The following SPRYD3 variants were observed in gnomAD, a reference collection of about 807,000 sequenced individuals.
The protein encoded by SPRYD3 is SPRY domain containing 3.
In SPRYD3, 17 loss-of-function variants were observed where a neutral mutation model predicts 50.1. The observed-to-expected ratio is 0.34, with a 90% CI of 0.23 to 0.51. The LOEUF (loss-of-function observed/expected upper bound fraction) is 0.51, where lower values mean the gene tolerates loss of function less well. Ranked by LOEUF, SPRYD3 falls within the 20% of genes least tolerant of loss-of-function variation. The pLI is 0.97. For synonymous variants in SPRYD3, 198 were observed against 215.5 expected, an observed-to-expected ratio of 0.92 and a Z score of 0.71; for missense variants, 401 against 591.2, an observed-to-expected ratio of 0.68 and a Z score of 3.34.
rs576245356 is a variant in SPRYD3 at position 53,077,129 on chromosome 12, A to G, written c.156T>C (p.Asp52=). Residue 52 remains aspartate (D), a synonymous_variant, in exon 2 of 11, where the codon GAT becomes GAC. Transcript: ENST00000301463. ...CCTGAACTCACCTTAAAGTATCTCC[A>G]TCTACAAGGATATGTTTGAACCTCT... ...YQERFKHILV[D]GDTLSYHGNS... The G allele has an allele frequency of 1.2e-6, 2 of 1,614,118 alleles. No homozygotes were observed. The highest frequency in any genetic ancestry group is 1.3e-5 in the African/African-American group (1 of 75,032).
chr12:53,076,634 G>A (rs1944590184), intron 2 of SPRYD3, among the ~76,000 whole-genome samples: 1 of 152,200 alleles, frequency 6.6e-6, no homozygotes, highest in African/African-American at 2.4e-5. Flanking sequence ...CTTGCTGGAT[G>A]AGGACAGAGC....
At chr12:53,069,513 G>A (rs985046074) in intron 6 of SPRYD3, among the ~76,000 whole-genome samples, 1 of 152,206 alleles carries the variant, frequency 6.6e-6, no homozygotes, top group African/African-American at 2.4e-5. Context: ...TGCTTAGAGC[G>A]GGGTGCTACT....
At chr12:53,069,667 A>AC (rs1944535445) in intron 6 of SPRYD3, among the ~76,000 whole-genome samples, 1 of 152,184 alleles carries the variant, frequency 6.6e-6, no homozygotes, top group South Asian at 2.1e-4. Flanking sequence ...ACGGGAGACC[A>AC]CCTAAGCCCA....
chr12:53,066,154 G>C (rs1249344768), intron 10 of SPRYD3, among the ~76,000 whole-genome samples, 160 bp downstream of exon 10: 1 of 152,106 alleles, frequency 6.6e-6, no homozygotes, highest in Admixed American at 6.5e-5. Context: ...TCCCAAGACC[G>C]TCTCCCGATC....
intron 6 of SPRYD3, 30 bp downstream of exon 6, chr12:53,073,256 G>GGCCCCGGGGGGGGGGGCC: frequency 2.1e-5 from 9 of 424,130 alleles, no homozygotes; most frequent in Admixed American, 4.2e-5. Flanking sequence ...CTCCGACCCA[G>GGCCCCGGGGGGGGGGGCC]CCCCTCCCAC....
chr12:53,065,710 G>T lies in SPRYD3; in HGVS notation c.*122C>A. ...GTGACAGGGGCCTGAGCCAGTGGGG[G>T]CAGAGTGACTACACACCTCCAGGGG... On this transcript the variant is annotated 3_prime_UTR_variant, in exon 11 of 11. Coordinates refer to ENST00000301463, the MANE Select transcript of SPRYD3 (RefSeq NM_032840.3). 9.8e-7 allele frequency: 1 copy of T among 1,023,114 alleles called. No individual in the cohort carries two copies. The highest frequency in any genetic ancestry group is 1.5e-6 in the Non-Finnish European group (1 of 684,704). The allele number at this position is 1,023,114 out of a possible 1,614,324, so 63.4% of individuals were successfully genotyped here.
At chr12:53,075,349 A>G (rs1944580936) in intron 3 of SPRYD3, 130 bp from the exon 4 acceptor site, 1 of 966,720 alleles carries the variant, frequency 1.0e-6, no homozygotes, top group East Asian at 2.5e-5. Context: ...GGAATCAGGA[A>G]AAAAGATAAG....
chr12:53,073,226 C>T, intron 6 of SPRYD3, 60 bp downstream of exon 6: 1 of 1,114,492 alleles, frequency 9.0e-7, no homozygotes, highest in East Asian at 2.6e-5. Context: ...CATGTGCCCA[C>T]AGGTGTTCTG....
chr12:53,069,031 G>T (rs1019561672), intron 6 of SPRYD3, among the ~76,000 whole-genome samples: 2 of 152,122 alleles, frequency 1.3e-5, no homozygotes, highest in Non-Finnish European at 2.9e-5. Context: ...ATTCAAGTTG[G>T]AGTAGGGGCG....
In SPRYD3 at chr12:53,079,337, TA is replaced by T. The variant is rs1309670292; in HGVS notation, c.-5del. ...GGGGCCGCCGCGTCCTCCTCATCCA[TA>T]GGCCTCTCAGCTCCGCACACAAGCT... On this transcript the variant is annotated 5_prime_UTR_variant, in exon 1 of 11. Coordinates refer to ENST00000301463, the MANE Select transcript of SPRYD3 (RefSeq NM_032840.3). The T allele has an allele frequency of 1.9e-6, 3 of 1,607,988 alleles. No homozygotes were observed. The highest frequency in any genetic ancestry group is 2.5e-6 in the Non-Finnish European group (3 of 1,177,634).
rs775035318 is a variant in SPRYD3, at chr12:53,077,182, G to A, written c.103C>T (p.Arg35Ter). Residue 35 changes from arginine (R) to a stop codon, truncating the protein, a stop_gained, in exon 2 of 11, where the codon CGA (arginine) becomes TGA (stop). Coordinates refer to ENST00000301463, the MANE Select transcript of SPRYD3 (RefSeq NM_032840.3). LOFTEE classifies it high-confidence loss of function. ...TGATATCGGAAAGCTCGGACCTCTCGAATCTCCCGGATCCGCCGGCGCCAA... is the reference window on the plus strand; with the variant it reads ...TGATATCGGAAAGCTCGGACCTCTCAAATCTCCCGGATCCGCCGGCGCCAA... Reference protein sequence around the residue: ...LNWRRRIREIREVRAFRYQER... With the variant: ...LNWRRRIREI The A allele has an allele frequency of 2.5e-6, 4 of 1,614,138 alleles. No homozygotes were observed. The highest frequency in any genetic ancestry group is 1.6e-4 in the Middle Eastern group (1 of 6,062).
intron 1 of SPRYD3, among the ~76,000 whole-genome samples, chr12:53,078,906 C>T (rs1944610750): frequency 6.6e-6 from 1 of 152,192 alleles, no homozygotes; most frequent in Admixed American, 6.5e-5. Context: ...TAGCTACAAC[C>T]CACCACGTGG....
intron 6 of SPRYD3, 118 bp from the exon 7 acceptor site, chr12:53,068,422 G>A: frequency 8.2e-7 from 1 of 1,226,526 alleles, no homozygotes; most frequent in East Asian, 2.3e-5. Flanking sequence ...CTGGCTGAAA[G>A]GGAAAGAATC....
At position 53,066,720 on chromosome 12, in the gene SPRYD3, A is replaced by C. The variant is rs200618278; in HGVS notation, c.902-28T>G. ...GTTGGAGGGAGGGGAAAGGACAAAC[A>C]CTTGAGGAAGGAGGGCTGACACCAC... is the stretch of plus-strand genomic sequence containing the variant. On this transcript the variant is annotated intron_variant, in intron 8 of 10. Transcript: ENST00000301463. The C allele has an allele frequency of 1.1e-4, 167 of 1,581,128 alleles. No homozygotes were observed. The African/African-American group carries it at 1.9e-3, about 18-fold the overall frequency.
chr12:53,078,249 G>A lies in SPRYD3; in HGVS notation c.24-988C>T, dbSNP rs570878632. The A allele has an allele frequency of 2.7e-4, 87 of 318,376 alleles. No individual in the cohort carries two copies. The Middle Eastern group carries it at 4.3e-3, about 16-fold the overall frequency. The allele number at this position is 318,376 out of a possible 1,614,324, so 19.7% of individuals were successfully genotyped here. A position where few individuals can be genotyped will look rare whatever the true frequency, so the allele number is the denominator to read the frequency against. On this transcript the variant is annotated intron_variant, in intron 1 of 10. Coordinates refer to ENST00000301463, the MANE Select transcript of SPRYD3 (RefSeq NM_032840.3). ...CACGTCTGTGATCCCAGCACTTTGG[G>A]AGGCCGAAGTGGGAGGATCACAAGG...
In SPRYD3 at chr12:53,066,057, C is replaced by T. The variant is rs549611751; in HGVS notation, c.1195-91G>A. 8.7e-6 allele frequency: 13 copies of T among 1,500,684 alleles called. No individual in the cohort carries two copies. The East Asian group carries it at 2.7e-4, about 32-fold the overall frequency. The allele number at this position is 1,500,684 out of a possible 1,614,324, so 93.0% of individuals were successfully genotyped here. On this transcript the variant is annotated intron_variant, in intron 10 of 10. Transcript: ENST00000301463. The stretch of plus-strand genomic sequence containing the variant: ...GCTCCACAGGCCTGAACCCCAATCA[C>T]CCCAGCTTCCAGCGGGGCTGGAGAG...
intron 6 of SPRYD3, 31 bp downstream of exon 6, chr12:53,073,255 A>AGGCCCCGGGGGGGGGGGGGGGGGGG: frequency 2.6e-6 from 1 of 383,668 alleles, no homozygotes; most frequent in Non-Finnish European, 4.9e-6. Flanking sequence ...CCTCCGACCC[A>AGGCCCCGGGGGGGGGGGGGGGGGGG]GCCCCTCCCA....
intron 6 of SPRYD3, among the ~76,000 whole-genome samples, chr12:53,070,818 T>G (rs1944544228): frequency 6.6e-6 from 1 of 152,202 alleles, no homozygotes; most frequent in South Asian, 2.1e-4. Flanking sequence ...CAGACAACTC[T>G]ACCCTATGTG....
intron 6 of SPRYD3, among the ~76,000 whole-genome samples, chr12:53,070,460 C>T: frequency 6.6e-6 from 1 of 152,318 alleles, no homozygotes; most frequent in East Asian, 1.9e-4. Context: ...AGAGTCTGAA[C>T]TGTTAGGATC....
Sources: allele counts gnomAD v4.1 joint callset (sites outside exome capture counted in the v4.1 genomes callset), GRCh38; gene constraint gnomAD v4.1.1; transcripts MANE v1.5; gene names NCBI Gene and HGNC (gene_info 2026-07-23, HGNC 2026-07-21).